NCAM1: variants seen among roughly 807,000 people sequenced by gnomAD.
The protein encoded by NCAM1 is neural cell adhesion molecule 1.
NCAM1 carries 14 observed loss-of-function variants against 109.8 expected under a neutral mutation model. The observed-to-expected ratio is 0.13, with a 90% CI of 0.08 to 0.20. The LOEUF (loss-of-function observed/expected upper bound fraction) is 0.20. Among genes scored for constraint, NCAM1 ranks in the 10% least tolerant of loss-of-function variants. The pLI is 1.00. For missense variants in NCAM1, 774 were observed against 1,109.9 expected (o/e 0.70, Z 4.30); for synonymous variants, 418 against 442.9 (o/e 0.94, Z 0.70).
chr11:113,058,246 T>G (rs1953785079), intron 1 of NCAM1, among the ~76,000 whole-genome samples: 1 of 151,776 alleles, frequency 6.6e-6, no homozygotes, highest in Non-Finnish European at 1.5e-5. Context: ...ATCTCACCAT[T>G]GCACTCCAGC....
At position 113,147,437 on chromosome 11, in the gene NCAM1, G is replaced by A. The variant is rs573940601; in HGVS notation, c.53-54942G>A. On this transcript the variant is annotated intron_variant, in intron 1 of 19. Transcript: ENST00000316851. ...TGGAGGACAGAAGCCCATTGTCAGC[G>A]ACAGCTGCTGAAAGCTTTCCCCAAG... 4.6e-5 allele frequency among the ~76,000 whole-genome samples: 7 copies of A among 152,332 alleles called. No homozygotes were observed. The East Asian group carries it at 7.7e-4, about 17-fold the overall frequency.
At chr11:113,144,827 G>T (rs1941955635) in intron 1 of NCAM1, among the ~76,000 whole-genome samples, 1 of 152,224 alleles carries the variant, frequency 6.6e-6, no homozygotes, top group South Asian at 2.1e-4. Context: ...TGTATGTAAA[G>T]AGCCTGGGGC....
intron 17 of NCAM1, chr11:113,264,491 C>G: frequency 1.0e-6 from 1 of 985,790 alleles, no homozygotes; most frequent in Non-Finnish European, 1.2e-6. Flanking sequence ...CGCTTCACAC[C>G]AGGGCAGTGG....
chr11:113,052,403 A>G (rs1406957014), intron 1 of NCAM1, among the ~76,000 whole-genome samples: 1 of 152,078 alleles, frequency 6.6e-6, no homozygotes, highest in Non-Finnish European at 1.5e-5. Context: ...TTGAATTTCT[A>G]TTTTCTGCCT....
chr11:113,024,277 C>T (rs556503448), intron 1 of NCAM1, among the ~76,000 whole-genome samples: 3 of 152,164 alleles, frequency 2.0e-5, no homozygotes, highest in South Asian at 2.1e-4. Flanking sequence ...CTACTGCCCT[C>T]GGTTTTGAAC....
rs1946324402 is a variant in NCAM1, at chr11:113,273,197, C to A, written c.2456+1321C>A. On this transcript the variant is annotated intron_variant, in intron 19 of 19. Coordinates refer to ENST00000316851, the MANE Select transcript of NCAM1 (RefSeq NM_181351.5). The surrounding 1 kb of genome is among the most constrained non-coding windows in gnomAD (Gnocchi z 6.0). The stretch of plus-strand genomic sequence containing the variant: ...CCCCAGCTTCAGCCCCCAAGGTCGC[C>A]CCCCTCGTTGACCTGAGCGACACCC... The A allele has an allele frequency of 2.6e-6, 1 of 387,744 alleles. No individual in the cohort carries two copies. Among genetic ancestry groups the A allele is most frequent in the African/African-American group, 2.1e-5 (1 of 47,936 alleles). The allele number at this position is 387,744 out of a possible 1,614,324, so 24.0% of individuals were successfully genotyped here. A position where few individuals can be genotyped will look rare whatever the true frequency, so the allele number is the denominator to read the frequency against.
At chr11:113,077,453 T>G (rs1483632424) in intron 1 of NCAM1, among the ~76,000 whole-genome samples, 1 of 152,232 alleles carries the variant, frequency 6.6e-6, no homozygotes, top group African/African-American at 2.4e-5. Flanking sequence ...CTGAATGTGA[T>G]ATGCCTGTCC....
chr11:113,223,152 CCTT>C (rs1377395013), intron 9 of NCAM1, among the ~76,000 whole-genome samples: 26 of 152,334 alleles, frequency 1.7e-4, no homozygotes, highest in African/African-American at 5.8e-4. Flanking sequence ...CTCATCTCCT[CCTT>C]CTGCTGCAGC....
At chr11:113,240,284 C>T (rs1945284110) in intron 14 of NCAM1, among the ~76,000 whole-genome samples, 1 of 152,182 alleles carries the variant, frequency 6.6e-6, no homozygotes, top group South Asian at 2.1e-4. Context: ...CTGTCTCATT[C>T]ATTCAGATGT....
intron 9 of NCAM1, among the ~76,000 whole-genome samples, chr11:113,228,452 A>G (rs1350265222): frequency 2.0e-5 from 3 of 152,242 alleles, no homozygotes; most frequent in African/African-American, 7.2e-5. Context: ...AAATGGAAGA[A>G]CATTCCATGC....
chr11:113,157,549 C>G (rs946448351), intron 1 of NCAM1, among the ~76,000 whole-genome samples: 3 of 152,072 alleles, frequency 2.0e-5, no homozygotes, highest in African/African-American at 7.2e-5. Context: ...ATCATTAACT[C>G]TAAGTATTTT....
chr11:113,228,695 A>G (rs529428151), intron 9 of NCAM1, among the ~76,000 whole-genome samples: 21 of 152,352 alleles, frequency 1.4e-4, no homozygotes, highest in Middle Eastern at 3.4e-3. Flanking sequence ...CTACAAGACT[A>G]CAGTAACCAA....
chr11:113,272,177 A>G (rs143174542), intron 19 of NCAM1, among the ~76,000 whole-genome samples: 5 of 152,164 alleles, frequency 3.3e-5, no homozygotes, highest in Non-Finnish European at 7.4e-5. Flanking sequence ...AGGTGGCAAA[A>G]TCTCACTGAA....
chr11:113,005,811 T>C (rs1279145712), intron 1 of NCAM1, among the ~76,000 whole-genome samples: 1 of 152,198 alleles, frequency 6.6e-6, no homozygotes, highest in African/African-American at 2.4e-5. Flanking sequence ...AAATAGAAGT[T>C]AAGAATGTCT....
chr11:113,026,790 G>A (rs782819605), intron 1 of NCAM1, among the ~76,000 whole-genome samples: 12 of 152,172 alleles, frequency 7.9e-5, no homozygotes, highest in East Asian at 3.8e-4. Context: ...GGCATTTAAC[G>A]TACATTATAG....
intron 1 of NCAM1, among the ~76,000 whole-genome samples, chr11:113,071,661 G>A (rs1337194899): frequency 1.3e-5 from 2 of 151,952 alleles, no homozygotes; most frequent in African/African-American, 2.4e-5. Context: ...TCCTGACCTC[G>A]TGATCCGCCC....
At chr11:113,083,463 T>C (rs1938936211) in intron 1 of NCAM1, among the ~76,000 whole-genome samples, 1 of 152,186 alleles carries the variant, frequency 6.6e-6, no homozygotes, top group African/African-American at 2.4e-5. Flanking sequence ...GCTGAAGTGA[T>C]TGGTGTACCA....
At chr11:113,056,756 G>A (rs530354631) in intron 1 of NCAM1, among the ~76,000 whole-genome samples, 11 of 152,204 alleles carry the variant, frequency 7.2e-5, no homozygotes, top group East Asian at 1.9e-4. Context: ...GGCAGTTTGC[G>A]AGACCCTGAA....
chr11:113,230,071 T>G (rs1199280709), intron 9 of NCAM1, among the ~76,000 whole-genome samples: 28 of 151,506 alleles, frequency 1.8e-4, no homozygotes, highest in Admixed American at 9.9e-4. Context: ...ACCCTAAAAC[T>G]TAAAGTATAA....
Sources: allele counts gnomAD v4.1 joint callset (sites outside exome capture counted in the v4.1 genomes callset), GRCh38; gene constraint gnomAD v4.1.1; non-coding constraint Gnocchi (gnomAD v3.1); transcripts MANE v1.5; gene names NCBI Gene and HGNC (gene_info 2026-07-23, HGNC 2026-07-21).